CLCN4: variants seen among roughly 807,000 people sequenced by gnomAD.
The protein encoded by CLCN4 is H(+)/Cl(-) exchange transporter 4.
A neutral mutation model predicts 41.7 loss-of-function variants in CLCN4; 1 was observed. The ratio of observed to expected loss-of-function variants is 0.02; its 90% CI spans 0.01 to 0.11. The LOEUF (loss-of-function observed/expected upper bound fraction) is 0.11, where lower values mean the gene tolerates loss of function less well. Ranked by LOEUF, CLCN4 falls within the 10% of genes least tolerant of loss-of-function variation. The pLI is 1.00. For missense variants in CLCN4, 287 were observed against 661.0 expected, an observed-to-expected ratio of 0.43 and a Z score of 6.20; for synonymous variants, 277 against 285.8, an observed-to-expected ratio of 0.97 and a Z score of 0.31.
intron 11 of CLCN4, among the ~76,000 whole-genome samples, chrX:10,219,667 A>G (rs1484583462): frequency 5.3e-5 from 6 of 112,288 alleles, no homozygotes; most frequent in East Asian, 2.8e-4. Context: ...GGCAGTTAGA[A>G]TTTTATTTTT....
intron 12 of CLCN4, among the ~76,000 whole-genome samples, chrX:10,231,771 C>T (rs190856956): frequency 1.6e-4 from 18 of 111,798 alleles, no homozygotes; most frequent in African/African-American, 5.8e-4. Context: ...CAGAACCCTC[C>T]ATTGTAAAGT....
chrX:10,227,358 A>G (rs1174390726), intron 12 of CLCN4, among the ~76,000 whole-genome samples: 2 of 111,528 alleles, frequency 1.8e-5, no homozygotes, highest in African/African-American at 3.3e-5. Context: ...ACATCCCTTC[A>G]TGTTAAAAAC....
At chrX:10,212,827 C>T (rs960504479) in intron 10 of CLCN4, among the ~76,000 whole-genome samples, 174 bp downstream of exon 10, 1 of 63,756 alleles carries the variant, frequency 1.6e-5, no homozygotes, top group African/African-American at 7.3e-5. Flanking sequence ...GGCTATGTCT[C>T]GCTCACTATG....
intron 12 of CLCN4, among the ~76,000 whole-genome samples, chrX:10,224,354 T>G (rs1440738593): frequency 1.0e-5 from 1 of 99,985 alleles, no homozygotes; most frequent in African/African-American, 4.0e-5. Flanking sequence ...GTGTGTGTTA[T>G]AGTTATCATC....
chrX:10,179,231 C>T (rs1231758715), intron 2 of CLCN4, among the ~76,000 whole-genome samples: 1 of 111,462 alleles, frequency 9.0e-6, no homozygotes, highest in African/African-American at 3.3e-5. Flanking sequence ...CTTGTCCCTG[C>T]GAGGGTGAAA....
intron 9 of CLCN4, among the ~76,000 whole-genome samples, chrX:10,210,650 CTTTTT>C (rs34763016): frequency 1.3e-5 from 1 of 75,084 alleles, no homozygotes; most frequent in Non-Finnish European, 2.5e-5. Flanking sequence ...CCTGAATTGT[CTTTTT>C]TTTTTTTTTT....
intron 3 of CLCN4, among the ~76,000 whole-genome samples, chrX:10,185,385 T>C (rs1923784276): frequency 9.0e-6 from 1 of 111,364 alleles, no homozygotes; most frequent in Non-Finnish European, 1.9e-5. Context: ...GGAGGGATTG[T>C]GGTGTGGAGG....
chrX:10,181,958 A>G (rs912280132), intron 2 of CLCN4, among the ~76,000 whole-genome samples: 2 of 112,256 alleles, frequency 1.8e-5, no homozygotes, highest in African/African-American at 6.5e-5. Flanking sequence ...TGGGGTCTTC[A>G]TGCTTGGAGA....
chrX:10,204,824 C>T (rs923143661), intron 6 of CLCN4, among the ~76,000 whole-genome samples: 2 of 108,576 alleles, frequency 1.8e-5, no homozygotes, highest in African/African-American at 6.7e-5. Context: ...GCTGGGCCTG[C>T]GAATTAAATT....
intron 12 of CLCN4, among the ~76,000 whole-genome samples, chrX:10,221,765 G>C (rs1009944185): frequency 3.6e-5 from 4 of 112,549 alleles, no homozygotes; most frequent in African/African-American, 1.3e-4. Context: ...GCTGTGGGGT[G>C]GGTTTCACAA....
chrX:10,207,656 T>A, intron 8 of CLCN4, among the ~76,000 whole-genome samples: 1 of 112,322 alleles, frequency 8.9e-6, no homozygotes, highest in African/African-American at 3.2e-5. Context: ...TCTTAACTCA[T>A]GTGCCATACA....
intron 2 of CLCN4, among the ~76,000 whole-genome samples, chrX:10,184,652 A>C (rs2147167196): frequency 8.9e-6 from 1 of 112,142 alleles, no homozygotes; most frequent in African/African-American, 3.2e-5. Context: ...CATGAGTGAT[A>C]GTGCTGCTGG....
chrX:10,201,714 C>T (rs1924242120), intron 6 of CLCN4, among the ~76,000 whole-genome samples: 1 of 112,445 alleles, frequency 8.9e-6, no homozygotes, highest in Non-Finnish European at 1.9e-5. Flanking sequence ...GACTGTGATG[C>T]ACTTATGTAT....
intron 9 of CLCN4, 37 bp from the exon 10 acceptor site, chrX:10,212,430 T>G: frequency 1.7e-6 from 2 of 1,186,257 alleles, no homozygotes; most frequent in Non-Finnish European, 2.3e-6. Flanking sequence ...GACTTGGTCT[T>G]TTTCCCTCAT....
At chrX:10,191,642 C>T (rs1923963378) in intron 4 of CLCN4, among the ~76,000 whole-genome samples, 1 of 108,008 alleles carries the variant, frequency 9.3e-6, no homozygotes, top group Non-Finnish European at 1.9e-5. Context: ...CTGCCTGCCT[C>T]AGCCTCCTGA....
intron 11 of CLCN4, among the ~76,000 whole-genome samples, chrX:10,214,461 GAA>G (rs1223736648): frequency 8.8e-6 from 1 of 113,170 alleles, no homozygotes; most frequent in Admixed American, 9.3e-5. Context: ...AGCTGAGAAG[GAA>G]GAGAGGCGAC....
In CLCN4 at chrX:10,167,670, C is replaced by T. The variant is rs1054889197; in HGVS notation, c.-12+9119C>T. On this transcript the variant is annotated intron_variant, in intron 2 of 12. Transcript: ENST00000380833. Reference sequence around the variant, plus strand: ...TCAGGGTATCCTGTGGGGATGCCAGCGAGCAAGTTGGTTGCTATGTGAGGG... The same window carrying T: ...TCAGGGTATCCTGTGGGGATGCCAGTGAGCAAGTTGGTTGCTATGTGAGGG... Among the ~76,000 whole-genome samples, 24 of 112,532 alleles carry T rather than the reference C, an allele frequency of 2.1e-4. No homozygotes were observed. The Admixed American group carries it at 2.2e-3, about 10-fold the overall frequency.
At chrX:10,180,440 A>C in intron 2 of CLCN4, among the ~76,000 whole-genome samples, 1 of 110,522 alleles carries the variant, frequency 9.0e-6, no homozygotes, top group African/African-American at 3.3e-5. Flanking sequence ...CTCTTAACAC[A>C]CTTGCTTTGG....
At chrX:10,161,204 G>C (rs1242463665) in intron 2 of CLCN4, among the ~76,000 whole-genome samples, 17 of 107,147 alleles carry the variant, frequency 1.6e-4, no homozygotes, top group Non-Finnish European at 1.9e-4. Context: ...TGGTCTCCTG[G>C]GGGGAGATAG....
Sources: gnomAD v4.1 joint callset for allele counts (sites outside exome capture counted in the v4.1 genomes callset) on GRCh38, gnomAD v4.1.1 for gene constraint, MANE v1.5 for transcripts, NCBI Gene and HGNC (gene_info 2026-07-23, HGNC 2026-07-21) for gene names.